MGMT: variants seen among roughly 807,000 people sequenced by gnomAD.
MGMT encodes the protein O-6-methylguanine-DNA methyltransferase.
MGMT carries 14 observed loss-of-function variants against 15.9 expected under a neutral mutation model. The observed-to-expected ratio is 0.88, with a 90% confidence interval of 0.58 to 1.37. The LOEUF is 1.37. MGMT is among the 40% of genes most tolerant of loss of function. MGMT has a pLI of 0.00. For missense variants in MGMT, 282 were observed against 268.1 expected (o/e 1.05, Z -0.36); for synonymous variants, 130 against 118.2 (o/e 1.10, Z -0.65).
intron 3 of MGMT, among the ~76,000 whole-genome samples, chr10:129,729,449 C>T (rs1328533903): frequency 6.6e-6 from 1 of 152,194 alleles, no homozygotes; most frequent in African/African-American, 2.4e-5. Flanking sequence ...GCCAGCCTCA[C>T]CTGCGTGCCT....
intron 1 of MGMT, among the ~76,000 whole-genome samples, chr10:129,486,175 CTCTT>C (rs1845407235): frequency 1.9e-5 from 2 of 107,668 alleles, no homozygotes; most frequent in Admixed American, 2.2e-4. Flanking sequence ...CTCTTCTCTT[CTCTT>C]TTTTTTTTTT....
intron 2 of MGMT, among the ~76,000 whole-genome samples, chr10:129,616,487 C>G (rs959607859): frequency 1.3e-5 from 2 of 152,158 alleles, no homozygotes; most frequent in African/African-American, 2.4e-5. Context: ...AAATTCCCAA[C>G]AAGGGCTCAC....
Position 129,719,146 on chromosome 10 carries a change from C to G in MGMT, c.274+11103C>G, listed in dbSNP as rs1177633445. On this transcript the variant is annotated intron_variant, in intron 3 of 4. Transcript: ENST00000651593. ...TGTCACCTTCCCGAGGTGCCCAGAG[C>G]TGGTCTGTGTGCCCGCTCAGGCGTG... 2.0e-5 allele frequency among the ~76,000 whole-genome samples: 3 copies of G among 149,660 alleles called. No individual in the cohort carries two copies. In the East Asian group the frequency reaches 6.0e-4, roughly 30 times the overall value.
chr10:129,597,218 C>A (rs1846761383), intron 2 of MGMT, among the ~76,000 whole-genome samples: 1 of 152,134 alleles, frequency 6.6e-6, no homozygotes, highest in Admixed American at 6.6e-5. Flanking sequence ...TGCAAAGGAA[C>A]CTTCTTTACA....
intron 1 of MGMT, among the ~76,000 whole-genome samples, chr10:129,516,802 C>A (rs1002269770): frequency 6.6e-6 from 1 of 152,102 alleles, no homozygotes; most frequent in East Asian, 1.9e-4. Context: ...TCATCTCCTT[C>A]CCTTTGGAAA....
At chr10:129,672,602 T>G (rs1260962284) in intron 2 of MGMT, among the ~76,000 whole-genome samples, 5 of 152,250 alleles carry the variant, frequency 3.3e-5, no homozygotes. Context: ...TTTTCTTTGC[T>G]ACTGTGCCTA....
intron 2 of MGMT, among the ~76,000 whole-genome samples, chr10:129,615,289 C>T (rs1180619038): frequency 6.6e-6 from 1 of 152,144 alleles, no homozygotes; most frequent in Non-Finnish European, 1.5e-5. Context: ...CTGACGTGCC[C>T]CTGCTTGGGC....
intron 2 of MGMT, among the ~76,000 whole-genome samples, chr10:129,686,346 A>G (rs1178570749): frequency 1.3e-5 from 2 of 152,006 alleles, no homozygotes; most frequent in African/African-American, 2.4e-5. Context: ...ATAAGACCAG[A>G]GGCCTTGTCT....
chr10:129,513,951 ATAGGT>A (rs1232401403), intron 1 of MGMT, among the ~76,000 whole-genome samples: 5 of 152,216 alleles, frequency 3.3e-5, no homozygotes, highest in African/African-American at 7.2e-5. Flanking sequence ...TTGCTTGCTA[ATAGGT>A]TAGGTTCTTA....
At position 129,591,887 on chromosome 10, in the gene MGMT, C is replaced by T. The variant is rs568514068; in HGVS notation, c.125+55510C>T. On this transcript the variant is annotated intron_variant, in intron 2 of 4. Coordinates refer to ENST00000651593, the MANE Select transcript of MGMT (RefSeq NM_002412.5). Reference sequence around the variant, plus strand: ...CAGAGATCACAGTGAGCCGAGATGGCGCCACTGCACTCCAGCCTGGGTGAC... The same window carrying T: ...CAGAGATCACAGTGAGCCGAGATGGTGCCACTGCACTCCAGCCTGGGTGAC... 3.9e-5 allele frequency among the ~76,000 whole-genome samples: 6 copies of T among 152,252 alleles called. No homozygotes were observed. In the East Asian group the frequency reaches 5.8e-4, roughly 15 times the overall value.
intron 2 of MGMT, among the ~76,000 whole-genome samples, chr10:129,561,355 G>A (rs187377415): frequency 0.029 from 4,456 of 152,166 alleles, 110 homozygotes; most frequent in South Asian, 0.065. Context: ...GGTCGGGAAG[G>A]AGCCTCCACA....
At chr10:129,701,584 G>C (rs946857046) in intron 2 of MGMT, 3 of 152,160 alleles carry the variant, frequency 2.0e-5, no homozygotes, top group African/African-American at 7.2e-5. Flanking sequence ...AAATCTCCCA[G>C]CTGGCTGGTC....
intron 2 of MGMT, among the ~76,000 whole-genome samples, chr10:129,671,001 C>G (rs1366242409): frequency 1.3e-5 from 2 of 152,084 alleles, no homozygotes; most frequent in Non-Finnish European, 2.9e-5. Context: ...TGTCTGTAGC[C>G]TTCTTTATGT....
chr10:129,597,477 TAAAAA>T (rs143762856), intron 2 of MGMT, among the ~76,000 whole-genome samples: 1 of 150,732 alleles, frequency 6.6e-6, no homozygotes, highest in Non-Finnish European at 1.5e-5. Context: ...TCCAGAAAAA[TAAAAA>T]AACAAAAAAA....
intron 3 of MGMT, among the ~76,000 whole-genome samples, chr10:129,754,122 T>C (rs1255402934): frequency 6.6e-6 from 1 of 152,158 alleles, no homozygotes; most frequent in Non-Finnish European, 1.5e-5. Flanking sequence ...TAGGGTCAGA[T>C]ACACATGTGC....
chr10:129,521,137 G>T (rs1362170905), intron 1 of MGMT, among the ~76,000 whole-genome samples: 1 of 152,170 alleles, frequency 6.6e-6, no homozygotes, highest in Admixed American at 6.5e-5. Context: ...AGGTGGGGAT[G>T]GAGAGCTGGT....
chr10:129,474,719 T>C (rs1845270571), intron 1 of MGMT, among the ~76,000 whole-genome samples: 1 of 152,044 alleles, frequency 6.6e-6, no homozygotes, highest in South Asian at 2.1e-4. Context: ...AACCAAACCG[T>C]CAGGTGTTAG....
chr10:129,573,733 A>G (rs1483729473), intron 2 of MGMT, among the ~76,000 whole-genome samples: 1 of 152,236 alleles, frequency 6.6e-6, no homozygotes, highest in Non-Finnish European at 1.5e-5. Context: ...TTACAAGGAC[A>G]ACAAAAAAGT....
chr10:129,555,284 C>T (rs921713708), intron 2 of MGMT, among the ~76,000 whole-genome samples: 10 of 152,172 alleles, frequency 6.6e-5, no homozygotes, highest in Non-Finnish European at 1.5e-4. Flanking sequence ...CACTTTGAGC[C>T]CGCTCTGCCC....
Sources: allele counts gnomAD v4.1 joint callset (sites outside exome capture counted in the v4.1 genomes callset), GRCh38; gene constraint gnomAD v4.1.1; transcripts MANE v1.5; gene names NCBI Gene and HGNC (gene_info 2026-07-23, HGNC 2026-07-21).